The following SNCAIP variants were observed in gnomAD, a reference collection of about 807,000 sequenced individuals.
The protein encoded by SNCAIP is synuclein alpha interacting protein.
Under a neutral mutation model 86.7 loss-of-function variants are expected in SNCAIP, and 43 were observed. The observed-to-expected ratio is 0.50, with a 90% CI of 0.39 to 0.64. SNCAIP has a LOEUF of 0.64. SNCAIP is among the 30% of genes least tolerant of loss of function. SNCAIP has a pLI of 0.00. For missense variants in SNCAIP, 981 were observed against 1,103.1 expected (o/e 0.89, Z 1.57); for synonymous variants, 417 against 427.2 (o/e 0.98, Z 0.29).
intron 1 of SNCAIP, 121 bp downstream of exon 1, chr5:122,312,405 G>A (rs971259376): frequency 2.0e-5 from 3 of 152,334 alleles, no homozygotes; most frequent in African/African-American, 4.8e-5. Context: ...CCCAAGCCCC[G>A]GGACCCCTTT....
chr5:122,384,885 CA>C (rs2152826627), intron 1 of SNCAIP, among the ~76,000 whole-genome samples: 1 of 152,318 alleles, frequency 6.6e-6, no homozygotes, highest in African/African-American at 2.4e-5. Context: ...CCCTCACCAT[CA>C]CGCTTCAAGA....
chr5:122,383,366 C>T (rs1039073178), intron 1 of SNCAIP: 1 of 153,134 alleles, frequency 6.5e-6, no homozygotes, highest in South Asian at 2.1e-4. Flanking sequence ...CCTTGCGCTT[C>T]CCAAGTGAGG....
intron 1 of SNCAIP, among the ~76,000 whole-genome samples, chr5:122,343,721 G>A (rs774334318): frequency 9.9e-5 from 15 of 152,144 alleles, no homozygotes; most frequent in Non-Finnish European, 2.1e-4. Flanking sequence ...GTGCACTGTA[G>A]AATACTTTTC....
At chr5:122,430,797 CT>C (rs1340751709) in intron 5 of SNCAIP, among the ~76,000 whole-genome samples, 2 of 151,812 alleles carry the variant, frequency 1.3e-5, no homozygotes, top group East Asian at 1.9e-4. Flanking sequence ...AAATCCTACT[CT>C]TTTTTTTCTG....
At chr5:122,448,602 ATT>A (rs1472526009) in intron 8 of SNCAIP, among the ~76,000 whole-genome samples, 5 of 104,082 alleles carry the variant, frequency 4.8e-5, no homozygotes, top group Non-Finnish European at 1.1e-4. Flanking sequence ...TTTTATATAT[ATT>A]ATATATATTT....
intron 1 of SNCAIP, chr5:122,389,481 G>T (rs985314798): frequency 1.3e-5 from 2 of 152,186 alleles, no homozygotes; most frequent in East Asian, 3.9e-4. Context: ...ATCCATCACA[G>T]TAGGAGAGAA....
chr5:122,327,169 A>T (rs553111440), intron 1 of SNCAIP, among the ~76,000 whole-genome samples: 3 of 152,122 alleles, frequency 2.0e-5, no homozygotes, highest in Non-Finnish European at 4.4e-5. Flanking sequence ...CCTAGTCATT[A>T]CTATTCTAAA....
chr5:122,457,586 A>T (rs965227463), intron 10 of SNCAIP, among the ~76,000 whole-genome samples: 1 of 151,518 alleles, frequency 6.6e-6, no homozygotes, highest in Non-Finnish European at 1.5e-5. Flanking sequence ...GTCCCCACCC[A>T]ACCCCGCCAA....
intron 1 of SNCAIP, among the ~76,000 whole-genome samples, chr5:122,338,756 G>T (rs922951019): frequency 6.6e-6 from 1 of 152,128 alleles, no homozygotes; most frequent in Admixed American, 6.5e-5. Flanking sequence ...AAGAAGTTTT[G>T]TGTCATTCAT....
At chr5:122,459,773 TTTA>T (rs1374799566) in intron 10 of SNCAIP, among the ~76,000 whole-genome samples, 1 of 152,202 alleles carries the variant, frequency 6.6e-6, no homozygotes, top group African/African-American at 2.4e-5. Flanking sequence ...TCTATTTTAA[TTTA>T]TTGTTAAAGT....
intron 1 of SNCAIP, among the ~76,000 whole-genome samples, chr5:122,348,727 G>A (rs562401228): frequency 6.6e-6 from 1 of 152,190 alleles, no homozygotes; most frequent in Non-Finnish European, 1.5e-5. Context: ...TTGAAAATTA[G>A]AGAACAAAAA....
intron 1 of SNCAIP, among the ~76,000 whole-genome samples, chr5:122,356,577 T>C (rs1761067510): frequency 6.6e-6 from 1 of 152,226 alleles, no homozygotes; most frequent in African/African-American, 2.4e-5. Flanking sequence ...TTATAAGAGC[T>C]TTCCTGGTTT....
chr5:122,394,457 A>G (rs556329353), intron 2 of SNCAIP, among the ~76,000 whole-genome samples: 3 of 152,342 alleles, frequency 2.0e-5, no homozygotes, highest in Admixed American at 6.5e-5. Flanking sequence ...TGCAAAACAC[A>G]AAGTTTAAAC....
At chr5:122,456,795 C>T (rs1784855945) in intron 10 of SNCAIP, among the ~76,000 whole-genome samples, 1 of 152,148 alleles carries the variant, frequency 6.6e-6, no homozygotes, top group South Asian at 2.1e-4. Flanking sequence ...GATAAACCTA[C>T]TCAATCATGT....
At chr5:122,412,038 G>C (rs907006693) in intron 3 of SNCAIP, among the ~76,000 whole-genome samples, 1 of 152,142 alleles carries the variant, frequency 6.6e-6, no homozygotes, top group Non-Finnish European at 1.5e-5. Flanking sequence ...GGACCAGCAG[G>C]CTTCCTCGCA....
intron 10 of SNCAIP, 24 bp downstream of exon 10, chr5:122,451,625 CT>C (rs763530716): frequency 2.4e-5 from 34 of 1,446,570 alleles, no homozygotes; most frequent in Non-Finnish European, 3.1e-5. Context: ...GGAGAATATT[CT>C]TTTTTTTCCT....
intron 1 of SNCAIP, among the ~76,000 whole-genome samples, chr5:122,319,285 A>G (rs961120317): frequency 2.6e-5 from 4 of 152,064 alleles, no homozygotes; most frequent in Non-Finnish European, 4.4e-5. Context: ...CTCCAGTACT[A>G]TTGTTGAAAT....
chr5:122,311,434 G>T (rs1199517075), upstream of SNCAIP: 4 of 152,480 alleles, frequency 2.6e-5, 1 homozygote, highest in African/African-American at 7.2e-5. Context: ...GCGAGCTTCG[G>T]GGGGAGGGGT....
rs1783561102 is a variant in SNCAIP at position 122,450,847 on chromosome 5, T to C, written c.2000T>C (p.Leu667Pro). 1 of 1,614,118 alleles carries C rather than the reference T, an allele frequency of 6.2e-7. No individual in the cohort carries two copies. Among genetic ancestry groups the C allele is most frequent in the East Asian group, 2.2e-5 (1 of 44,876 alleles). The stretch of plus-strand genomic sequence containing the variant: ...AAGAGGGAACTGAAGTTAGCCAGGC[T>C]GAGACAGCTGATGCAGAGGTCACTG... ...LEKRELKLAR[L>P]RQLMQRSLSE... Residue 667 changes from leucine to proline, a missense_variant, in exon 10 of 11, where the codon CTG (leucine) becomes CCG (proline). Leu to Pro is a moderately conservative substitution (Grantham distance 98). Coordinates refer to ENST00000261368, the MANE Select transcript of SNCAIP (RefSeq NM_005460.4).
Sources: gnomAD v4.1 joint callset for allele counts (sites outside exome capture counted in the v4.1 genomes callset) on GRCh38, gnomAD v4.1.1 for gene constraint, MANE v1.5 for transcripts, NCBI Gene and HGNC (gene_info 2026-07-23, HGNC 2026-07-21) for gene names.